CES5A: variants seen among roughly 807,000 people sequenced by gnomAD.
The protein encoded by CES5A is carboxylesterase 5A.
CES5A carries 67 observed loss-of-function variants against 62.9 expected under a neutral mutation model. The observed-to-expected ratio is 1.07, with a 90% CI of 0.88 to 1.31. The LOEUF (loss-of-function observed/expected upper bound fraction) is 1.31. Among genes scored for constraint, CES5A ranks in the 50% most tolerant of loss-of-function variants. The pLI, the probability that CES5A is intolerant of heterozygous loss-of-function variation, is 0.00. For synonymous variants in CES5A, 296 were observed against 280.8 expected (o/e 1.05, Z -0.54); for missense variants, 748 against 708.5 (o/e 1.06, Z -0.63).
In CES5A at chr16:55,859,572, T is replaced by A; in HGVS notation, c.1031A>T (p.His344Leu). ...AIPSIIGVNN[H>L]ECGFLLPMKE... ...CATAGGCAGCAGGAAGCCACACTCG[T>A]GGTTATTGACTCCGATGATGGAAGG... is the stretch of plus-strand genomic sequence containing the variant. The change falls in exon 8 of 13, where the codon CAC becomes CTC. Residue 344 changes from histidine (H) to leucine (L), a missense_variant. Transcript: ENST00000290567. The A allele has an allele frequency of 1.9e-6, 3 of 1,613,458 alleles. No homozygotes were observed. The highest frequency in any genetic ancestry group is 2.5e-6 in the Non-Finnish European group (3 of 1,179,886).
At chr16:55,865,303 A>G (rs1336697251) in intron 5 of CES5A, among the ~76,000 whole-genome samples, 1 of 152,256 alleles carries the variant, frequency 6.6e-6, no homozygotes, top group Non-Finnish European at 1.5e-5. Flanking sequence ...ATATATAGAT[A>G]AACATCTCTC....
chr16:55,865,882 C>A, intron 5 of CES5A, 81 bp downstream of exon 5: 2 of 1,488,278 alleles, frequency 1.3e-6, no homozygotes, highest in Non-Finnish European at 1.9e-6. Context: ...ATGAAGGCAA[C>A]AATCAAATGT....
rs146050698 is a variant in CES5A at position 55,899,192 on chromosome 16, C to T, written c.-255-25155G>A. Among the ~76,000 whole-genome samples, 933 of 152,162 alleles carry T rather than the reference C, an allele frequency of 6.1e-3. 14 individuals are homozygous for T. The highest frequency in any genetic ancestry group is 0.022 in the African/African-American group (901 of 41,494). ...TAACATCTCAAAGGTCCTGAATGTC[C>T]GAGCCTGCAGAGGAATGGGGAGAGC... On this transcript the variant is annotated intron_variant, in intron 1 of 12. Transcript: ENST00000518005.
At chr16:55,912,292 C>T (rs2034101433) in intron 1 of CES5A, among the ~76,000 whole-genome samples, 1 of 152,238 alleles carries the variant, frequency 6.6e-6, no homozygotes, top group South Asian at 2.1e-4. Context: ...GCTAAAAATA[C>T]ATTCCGACGA....
upstream of CES5A, among the ~76,000 whole-genome samples, chr16:55,929,774 A>G (rs2034290806): frequency 1.3e-5 from 2 of 152,204 alleles, no homozygotes; most frequent in South Asian, 4.1e-4. Flanking sequence ...TTTATTGAAA[A>G]TGTTGATGTT....
At chr16:55,855,835 T>C (rs770624543) in intron 9 of CES5A, among the ~76,000 whole-genome samples, 1 of 152,160 alleles carries the variant, frequency 6.6e-6, no homozygotes, top group Non-Finnish European at 1.5e-5. Flanking sequence ...TTTCGACCTG[T>C]GTCCCCCACC....
chr16:55,848,671 G>A (rs72808071), intron 11 of CES5A, among the ~76,000 whole-genome samples: 2,107 of 152,114 alleles, frequency 0.014, 39 homozygotes, highest in Non-Finnish European at 0.017. Flanking sequence ...TTTCAATTAG[G>A]TTATTCTTTT....
intron 2 of CES5A, among the ~76,000 whole-genome samples, chr16:55,872,713 G>A (rs765016816): frequency 5.3e-5 from 8 of 152,078 alleles, no homozygotes; most frequent in East Asian, 1.9e-4. Flanking sequence ...AGGCCTCAGC[G>A]CTTTCAGCAA....
chr16:55,911,141 C>T (rs1277946909), intron 1 of CES5A, among the ~76,000 whole-genome samples: 1 of 152,108 alleles, frequency 6.6e-6, no homozygotes. Flanking sequence ...AAGAGTGGCC[C>T]CAGGTCCCTT....
chr16:55,955,413 A>T (rs2034598565), intron 1 of CES5A, among the ~76,000 whole-genome samples: 1 of 152,190 alleles, frequency 6.6e-6, no homozygotes, highest in Admixed American at 6.5e-5. Context: ...TCCTTGTTTA[A>T]CTATATAATT....
At chr16:55,948,849 G>C (rs1284331131) in intron 2 of CES5A, among the ~76,000 whole-genome samples, 1 of 152,284 alleles carries the variant, frequency 6.6e-6, no homozygotes, top group South Asian at 2.1e-4. Flanking sequence ...TGTGGTGTTA[G>C]AGTTTGAGGT....
At chr16:55,864,071 G>A (rs1239165503) in intron 5 of CES5A, among the ~76,000 whole-genome samples, 3 of 152,072 alleles carry the variant, frequency 2.0e-5, no homozygotes, top group East Asian at 1.9e-4. Context: ...TCTAAGTATC[G>A]GTTCACTCCC....
intron 1 of CES5A, among the ~76,000 whole-genome samples, chr16:55,906,017 A>C (rs1203128871): frequency 6.6e-6 from 1 of 152,186 alleles, no homozygotes; most frequent in East Asian, 1.9e-4. Context: ...CAGAGAAGTT[A>C]AGCTCCTTGT....
In CES5A at chr16:55,949,978, A is replaced by G. The variant is rs141583258; in HGVS notation, c.43-76T>C. On this transcript the variant is annotated intron_variant, in intron 1 of 13. Coordinates refer to the CES5A transcript ENST00000521992. ...ATAAATAAAATATAATATAACCAAT[A>G]CAGCATATAAGTAAGAATATAACAA... 53 of 587,446 alleles carry G rather than the reference A, an allele frequency of 9.0e-5. No homozygotes were observed. In the East Asian group the frequency reaches 1.5e-3, roughly 16 times the overall value. The allele number at this position is 587,446 out of a possible 1,614,324, so 36.4% of individuals were successfully genotyped here. A position where few individuals can be genotyped will look rare whatever the true frequency, so the allele number is the denominator to read the frequency against.
At position 55,846,742 on chromosome 16, in the gene CES5A, TGGGGGAGACC is replaced by T. The variant is rs769521099; in HGVS notation, c.1496+16_1496+25del. 6 of 1,613,746 alleles carry T rather than the reference TGGGGGAGACC, an allele frequency of 3.7e-6. No homozygotes were observed. Among genetic ancestry groups the T allele is most frequent in the Non-Finnish European group, 5.1e-6 (6 of 1,179,724 alleles). ...CCTCCTCACACCCCAGGCCTTGGCA[TGGGGGAGACC>T]GGGAGGTTTACTTACCCGGTTCGAG... On this transcript the variant is annotated intron_variant, in intron 12 of 12. Coordinates refer to ENST00000290567, the MANE Select transcript of CES5A (RefSeq NM_001143685.2).
intron 1 of CES5A, among the ~76,000 whole-genome samples, chr16:55,897,004 G>A (rs936844482): frequency 1.4e-4 from 21 of 152,186 alleles, no homozygotes; most frequent in Non-Finnish European, 2.2e-4. Context: ...CTGTCATTTG[G>A]GAACCACAGG....
intron 1 of CES5A, among the ~76,000 whole-genome samples, chr16:55,891,365 T>C (rs1166346501): frequency 4.6e-5 from 7 of 152,178 alleles, no homozygotes; most frequent in African/African-American, 1.7e-4. Flanking sequence ...TACATTCGAG[T>C]GCTATTTCTT....
chr16:55,881,456 T>A (rs1235839354), intron 1 of CES5A, among the ~76,000 whole-genome samples: 4 of 152,212 alleles, frequency 2.6e-5, no homozygotes, highest in Non-Finnish European at 4.4e-5. Context: ...AGAGAATTTA[T>A]TAGCACAAGA....
At chr16:55,911,703 C>T (rs1425454409) in intron 1 of CES5A, among the ~76,000 whole-genome samples, 1 of 152,138 alleles carries the variant, frequency 6.6e-6, no homozygotes, top group Non-Finnish European at 1.5e-5. Flanking sequence ...GGTGCAGTAT[C>T]CCTACTTGGA....
Sources: gnomAD v4.1 joint callset for allele counts (sites outside exome capture counted in the v4.1 genomes callset) on GRCh38, gnomAD v4.1.1 for gene constraint, MANE v1.5 for transcripts, NCBI Gene and HGNC (gene_info 2026-07-23, HGNC 2026-07-21) for gene names.